Variants in ZNF654 observed in about 807,000 individuals in gnomAD.
The protein encoded by ZNF654 is melanoma-associated antigen.
A neutral mutation model predicts 95.3 loss-of-function variants in ZNF654; 19 were observed. That is an observed-to-expected ratio of 0.20 (90% CI 0.14 to 0.29). The LOEUF (loss-of-function observed/expected upper bound fraction) is 0.29, where lower values mean the gene tolerates loss of function less well. Among genes scored for constraint, ZNF654 ranks in the 10% least tolerant of loss-of-function variants. ZNF654 has a pLI of 1.00. For synonymous variants in ZNF654, 413 were observed against 457.9 expected (o/e 0.90, Z 1.25); for missense variants, 1,046 against 1,341.0 (o/e 0.78, Z 3.44).
At chr3:88,120,292 A>G (rs1705688965) in intron 3 of ZNF654, among the ~76,000 whole-genome samples, 1 of 152,218 alleles carries the variant, frequency 6.6e-6, no homozygotes, top group African/African-American at 2.4e-5. Flanking sequence ...CTAATCCATT[A>G]TAAAAATATG....
At position 88,128,812 on chromosome 3, in the gene ZNF654, A is replaced by T. The variant is rs1277427699; in HGVS notation, c.554A>T (p.Asn185Ile). The T allele has an allele frequency of 6.5e-7, 1 of 1,532,610 alleles. No individual in the cohort carries two copies. The highest frequency in any genetic ancestry group is 2.4e-5 in the East Asian group (1 of 40,866). The allele number at this position is 1,532,610 out of a possible 1,614,324, so 94.9% of individuals were successfully genotyped here. ...GTCTGTTTTCTTTTTAATATAGTGAACAAATATTTAAGTTCTGAAAATCCA... is the reference window on the plus strand; with the variant it reads ...GTCTGTTTTCTTTTTAATATAGTGATCAAATATTTAAGTTCTGAAAATCCA... Reference protein sequence around the residue: ...KAQPASQEIVNKYLSSENPLF... With the variant: ...KAQPASQEIVIKYLSSENPLF... The change falls in exon 5 of 9, where the codon AAC becomes ATC. Residue 185 changes from asparagine (N) to isoleucine (I), a missense_variant. Around this residue, in one of 9 missense-constraint regions of ZNF654, gnomAD observed 91 missense variants for 190.5 expected, o/e 0.48. Coordinates refer to ENST00000636215, the MANE Select transcript of ZNF654 (RefSeq NM_001350134.2).
rs1263651580 is a variant in ZNF654 at position 88,138,417 on chromosome 3, A to C, written c.1036-288A>C. The stretch of plus-strand genomic sequence containing the variant: ...AAATCTTAATCACCATAAGTTTATG[A>C]ATCACCATAAGTCCATTTTGTATTA... On this transcript the variant is annotated intron_variant, in intron 7 of 8. Coordinates refer to ENST00000636215, the MANE Select transcript of ZNF654 (RefSeq NM_001350134.2). 9.4e-5 allele frequency among the ~76,000 whole-genome samples: 14 copies of C among 149,414 alleles called. No homozygotes were observed. The Admixed American group carries it at 9.5e-4, about 10-fold the overall frequency.
At position 88,082,530 on chromosome 3, in the gene ZNF654, A is replaced by G. The variant is rs189700569; in HGVS notation, c.187-3727A>G. On this transcript the variant is annotated intron_variant, in intron 1 of 8. Coordinates refer to ENST00000636215, the MANE Select transcript of ZNF654 (RefSeq NM_001350134.2). ...CTATGAACTGTGAGGTGTTTGAGGTAATGAAAGTTGATGACAATGGGAGTC... is the reference window on the plus strand; with the variant it reads ...CTATGAACTGTGAGGTGTTTGAGGTGATGAAAGTTGATGACAATGGGAGTC... Among the ~76,000 whole-genome samples, 907 of 152,336 alleles carry G rather than the reference A, an allele frequency of 6.0e-3. 4 individuals carry two copies. Among genetic ancestry groups the G allele is most frequent in the Non-Finnish European group, 8.6e-3 (582 of 68,018 alleles).
intron 7 of ZNF654, among the ~76,000 whole-genome samples, chr3:88,137,972 A>G (rs1207449512): frequency 2.0e-5 from 3 of 152,126 alleles, no homozygotes; most frequent in African/African-American, 4.8e-5. Context: ...ATTATTCCAA[A>G]CCACTAGAGA....
rs1295421336 is a variant in ZNF654 at position 88,059,556 on chromosome 3, C to G, written c.186+51C>G. On this transcript the variant is annotated intron_variant, in intron 1 of 8. Coordinates refer to ENST00000636215, the MANE Select transcript of ZNF654 (RefSeq NM_001350134.2). ...CTTGTCACCCGGGTCCTGGGCCTCT[C>G]TGCGTCTCCTGGTCTTCTCGTCCAT... The G allele has an allele frequency of 1.4e-5, 20 of 1,447,136 alleles. No individual in the cohort carries two copies. The Middle Eastern group carries it at 9.0e-4, about 65-fold the overall frequency. 89.6% of individuals were successfully genotyped at this position (1,447,136 alleles called of 1,614,324 possible).
At chr3:88,105,707 T>C (rs1470462567) in intron 2 of ZNF654, among the ~76,000 whole-genome samples, 3 of 152,226 alleles carry the variant, frequency 2.0e-5, no homozygotes, top group African/African-American at 7.2e-5. Context: ...TTTTTTTGAC[T>C]AAACTAATAA....
chr3:88,096,444 T>A (rs888257540), intron 2 of ZNF654, among the ~76,000 whole-genome samples: 5 of 152,130 alleles, frequency 3.3e-5, no homozygotes, highest in African/African-American at 1.2e-4. Flanking sequence ...AGAAAGACCC[T>A]CATTTCTCCT....
rs1487166955 is a variant in ZNF654, at chr3:88,069,847, G to A, written c.186+10342G>A. On this transcript the variant is annotated intron_variant, in intron 1 of 8. Transcript: ENST00000636215. Reference sequence around the variant, plus strand: ...ATTATCTTGTGTTTTGAAAGCAGGAGAGTATGGGATGTGTTTTAAATGTTT... The same window carrying A: ...ATTATCTTGTGTTTTGAAAGCAGGAAAGTATGGGATGTGTTTTAAATGTTT... 3.3e-5 allele frequency among the ~76,000 whole-genome samples: 5 copies of A among 152,294 alleles called. No homozygotes were observed. In the South Asian group the frequency reaches 1.0e-3, roughly 32 times the overall value.
At chr3:88,077,851 T>C (rs1707896333) in intron 1 of ZNF654, among the ~76,000 whole-genome samples, 1 of 152,302 alleles carries the variant, frequency 6.6e-6, no homozygotes, top group African/African-American at 2.4e-5. Flanking sequence ...AAGGTTGTTT[T>C]TTAGTGTAGA....
At chr3:88,141,614 C>T (rs755679602) in intron 8 of ZNF654, 31 bp from the exon 9 acceptor site, 11 of 1,442,840 alleles carry the variant, frequency 7.6e-6, no homozygotes, top group Non-Finnish European at 1.0e-5. Flanking sequence ...GTCAATAAAA[C>T]TTGCATTAAC....
chr3:88,059,487 C>A lies in ZNF654; in HGVS notation c.168C>A (p.Tyr56Ter). 6.7e-7 allele frequency: 1 copy of A among 1,499,730 alleles called. No homozygotes were observed. Among genetic ancestry groups the A allele is most frequent in the Admixed American group, 2.3e-5 (1 of 43,278 alleles). 92.9% of individuals were successfully genotyped at this position (1,499,730 alleles called of 1,614,324 possible). The part of the protein sequence containing the change: ...GGGVGISSRD[Y>*]CRRFCQVVED... ...GCGTCGGAATCAGCAGTCGGGATTA[C>A]TGCCGACGCTTCTGTCAGGTGAGGC... is the stretch of plus-strand genomic sequence containing the variant. Residue 56 changes from tyrosine to a stop codon, truncating the protein, a stop_gained, in exon 1 of 9, where the codon TAC (tyrosine) becomes TAA (stop). Coordinates refer to ENST00000636215, the MANE Select transcript of ZNF654 (RefSeq NM_001350134.2). LOFTEE classifies it high-confidence loss of function.
At chr3:88,067,502 T>G (rs936228014) in intron 1 of ZNF654, among the ~76,000 whole-genome samples, 2 of 152,178 alleles carry the variant, frequency 1.3e-5, no homozygotes, top group African/African-American at 2.4e-5. Flanking sequence ...ACCTTAAAAC[T>G]AAAGCTTGAG....
At chr3:88,096,696 TTTC>T (rs1380552207) in intron 2 of ZNF654, among the ~76,000 whole-genome samples, 1 of 152,144 alleles carries the variant, frequency 6.6e-6, no homozygotes, top group Non-Finnish European at 1.5e-5. Flanking sequence ...GCTTTTAAGA[TTTC>T]ATCTTTATCA....
chr3:88,096,195 T>G (rs1360715282), intron 2 of ZNF654, among the ~76,000 whole-genome samples: 3 of 151,972 alleles, frequency 2.0e-5, no homozygotes, highest in Non-Finnish European at 4.4e-5. Context: ...ATAGAATCAC[T>G]TTTAAAGGTG....
At chr3:88,078,840 G>T (rs979565496) in intron 1 of ZNF654, among the ~76,000 whole-genome samples, 1 of 152,048 alleles carries the variant, frequency 6.6e-6, no homozygotes, top group African/African-American at 2.4e-5. Flanking sequence ...GTTGACTAAA[G>T]AATACTGATT....
At chr3:88,111,707 A>G (rs539191761) in intron 2 of ZNF654, among the ~76,000 whole-genome samples, 80 of 152,092 alleles carry the variant, frequency 5.3e-4, no homozygotes, top group African/African-American at 1.8e-3. Context: ...TGAAATTTCT[A>G]TAAGTAGAAC....
intron 2 of ZNF654, among the ~76,000 whole-genome samples, chr3:88,095,040 A>G (rs971479408): frequency 1.3e-5 from 2 of 152,182 alleles, no homozygotes; most frequent in Non-Finnish European, 2.9e-5. Flanking sequence ...GAACAGAATT[A>G]TAGAATTCAA....
chr3:88,068,690 A>C (rs1707336134), intron 1 of ZNF654, among the ~76,000 whole-genome samples: 2 of 152,190 alleles, frequency 1.3e-5, no homozygotes, highest in Non-Finnish European at 2.9e-5. Context: ...CTTTCCATGA[A>C]TCAGGGATTG....
At position 88,142,406 on chromosome 3, in the gene ZNF654, A is replaced by G. The variant is rs991552750; in HGVS notation, c.*754A>G. On this transcript the variant is annotated 3_prime_UTR_variant, in exon 9 of 9. Coordinates refer to ENST00000636215, the MANE Select transcript of ZNF654 (RefSeq NM_001350134.2). The stretch of plus-strand genomic sequence containing the variant: ...AAGGGCAGCAGTGTCAATAAAATAG[A>G]AAAAAACCGATCAGTACTCTGGGGA... 1 of 152,340 alleles carries G rather than the reference A, an allele frequency of 6.6e-6. No homozygotes were observed. Among genetic ancestry groups the G allele is most frequent in the Non-Finnish European group, 1.5e-5 (1 of 67,842 alleles). The allele number at this position is 152,340 out of a possible 1,614,324, so 9.4% of individuals were successfully genotyped here.
Sources: allele counts gnomAD v4.1 joint callset (sites outside exome capture counted in the v4.1 genomes callset), GRCh38; gene constraint gnomAD v4.1.1; regional missense constraint gnomAD v4.1.1; transcripts MANE v1.5; gene names NCBI Gene and HGNC (gene_info 2026-07-23, HGNC 2026-07-21).